The following PSMB8 variants were observed in gnomAD, a reference collection of about 807,000 sequenced individuals.
The protein encoded by PSMB8 is proteasome 20S subunit beta 8.
A neutral mutation model predicts 32.3 loss-of-function variants in PSMB8; 20 were observed. The observed-to-expected ratio is 0.62, with a 90% CI of 0.44 to 0.90. PSMB8 has a LOEUF of 0.90. Ranked by LOEUF, PSMB8 falls within the 40% of genes least tolerant of loss-of-function variation. The probability of loss-of-function intolerance (pLI) is 0.00; values close to 1 mark genes in which losing one functional copy is unlikely to be tolerated. For synonymous variants in PSMB8, 131 were observed against 135.4 expected, an observed-to-expected ratio of 0.97 and a Z score of 0.23; for missense variants, 342 against 365.4, an observed-to-expected ratio of 0.94 and a Z score of 0.52.
intron 3 of PSMB8, 81 bp downstream of exon 3, chr6:32,842,591 G>A (rs1769983306): frequency 3.9e-6 from 5 of 1,268,676 alleles, no homozygotes; most frequent in Non-Finnish European, 4.6e-6. Flanking sequence ...GACCACATAG[G>A]ACAAGAGTAA....
intron 2 of PSMB8, 76 bp downstream of exon 2, chr6:32,842,866 T>G: frequency 3.7e-6 from 6 of 1,610,982 alleles, no homozygotes; most frequent in Non-Finnish European, 5.1e-6. Flanking sequence ...CACTTCCACT[T>G]TGTTGCAGAG....
rs141273371 is a variant in PSMB8 at position 32,841,611 on chromosome 6, G to A, written c.662C>T (p.Pro221Leu). 30 of 1,613,048 alleles carry A rather than the reference G, an allele frequency of 1.9e-5. No individual in the cohort carries two copies. In the African/African-American group the frequency reaches 3.6e-4, roughly 19 times the overall value. Residue 221 changes from proline (P) to leucine (L), a missense_variant, in exon 5 of 6, where the codon CCT (proline) becomes CTT (leucine). By Grantham distance (98) the Pro-to-Leu change is moderately conservative. Transcript: ENST00000374882. ...GCGGCCAAGGTCATAGGCCTCTTCA[G>A]GGCTAAGATTAGGCCGATAGCCACT... The part of the protein sequence containing the change: ...MDSGYRPNLS[P>L]EEAYDLGRRA...
chr6:32,841,477 C>T (rs112560284), intron 5 of PSMB8, 54 bp downstream of exon 5: 3 of 1,567,348 alleles, frequency 1.9e-6, no homozygotes, highest in East Asian at 2.2e-5. Flanking sequence ...AATCACCCCC[C>T]CCACCACCCG....
In PSMB8 at chr6:32,844,047, C is replaced by G; in HGVS notation, c.-51G>C. ...CCGCTCTCGGAGGAGGAAGTGAAAG[C>G]GAAAGCCACAGATCGAAGGGGAGGG... is the stretch of plus-strand genomic sequence containing the variant. On this transcript the variant is annotated 5_prime_UTR_variant, in exon 1 of 6. Coordinates refer to ENST00000374882, the MANE Select transcript of PSMB8 (RefSeq NM_148919.4). 5 of 1,599,646 alleles carry G rather than the reference C, an allele frequency of 3.1e-6. No individual in the cohort carries two copies. Among genetic ancestry groups the G allele is most frequent in the Non-Finnish European group, 4.3e-6 (5 of 1,171,894 alleles).
rs1769900420 is a variant in PSMB8 at position 32,841,529 on chromosome 6, A to G, written c.742+2T>C. The G allele has an allele frequency of 1.2e-6, 2 of 1,611,534 alleles. No individual in the cohort carries two copies. The highest frequency in any genetic ancestry group is 2.7e-5 in the African/African-American group (2 of 74,872). ...ATGGTGGTGGGAGCATTGGTCTCTTACTATTGACAACGCCTCCAGAATAGC... is the reference window on the plus strand; with the variant it reads ...ATGGTGGTGGGAGCATTGGTCTCTTGCTATTGACAACGCCTCCAGAATAGC... On this transcript the variant is annotated splice_donor_variant, in intron 5 of 5. Coordinates refer to ENST00000374882, the MANE Select transcript of PSMB8 (RefSeq NM_148919.4). LOFTEE classifies it high-confidence loss of function.
rs1769902497 is a variant in PSMB8 at position 32,841,544 on chromosome 6, T to C, written c.729A>G (p.Gly243=). The part of the protein sequence containing the change: ...AYATHRDSYS[G]GVVNMYHMKE... Reference sequence around the variant, plus strand: ...TTGGTCTCTTACTATTGACAACGCCTCCAGAATAGCTGTCTCTGTGAGTGG... The same window carrying C: ...TTGGTCTCTTACTATTGACAACGCCCCCAGAATAGCTGTCTCTGTGAGTGG... Residue 243 remains glycine (G), a synonymous_variant, in exon 5 of 6, where the codon GGA becomes GGG. Coordinates refer to ENST00000374882, the MANE Select transcript of PSMB8 (RefSeq NM_148919.4). The C allele has an allele frequency of 6.2e-7, 1 of 1,612,254 alleles. No homozygotes were observed.
At chr6:32,842,539 C>T in intron 3 of PSMB8, 133 bp downstream of exon 3, 1 of 958,162 alleles carries the variant, frequency 1.0e-6, no homozygotes, top group Non-Finnish European at 1.6e-6. Context: ...GGTCTTATCA[C>T]CAAAAAGCTG....
intron 3 of PSMB8, 105 bp from the exon 4 acceptor site, chr6:32,842,368 A>G (rs1224207556): frequency 7.0e-7 from 1 of 1,431,458 alleles, no homozygotes; most frequent in African/African-American, 1.4e-5. Flanking sequence ...ATTATTTTGT[A>G]GGATCTAAAG....
rs749987221 is a variant in PSMB8, at chr6:32,843,078, G to C, written c.159C>G (p.Phe53Leu). 6.2e-7 allele frequency: 1 copy of C among 1,613,092 alleles called. No individual in the cohort carries two copies. Among genetic ancestry groups the C allele is most frequent in the South Asian group, 1.1e-5 (1 of 91,090 alleles). Residue 53 changes from phenylalanine to leucine, a missense_variant, in exon 2 of 6, where the codon TTC becomes TTG. Physicochemically the swap from Phe to Leu is conservative, Grantham distance 22 (BLOSUM62 0). Transcript: ENST00000374882. ...ALPRGMQPTE[F>L]FQSLGGDGER... The stretch of plus-strand genomic sequence containing the variant: ...CTCCGTCCCCACCCAGGGACTGGAA[G>C]AATTCTGTGGGCTGATAAGAGAAAA...
rs147774597 is a variant in PSMB8, at chr6:32,842,605, G to A, written c.407+67C>T. 151 of 1,325,342 alleles carry A rather than the reference G, an allele frequency of 1.1e-4. 1 individual carries two copies. The East Asian group carries it at 3.4e-3, about 30-fold the overall frequency. The allele number at this position is 1,325,342 out of a possible 1,614,324, so 82.1% of individuals were successfully genotyped here. ...GGACCACATAGGACAAGAGTAAGGA[G>A]CAATGATCTGAGAGATCCAGGGATT... On this transcript the variant is annotated intron_variant, in intron 3 of 5. Transcript: ENST00000374882.
chr6:32,844,115 G>T, upstream of PSMB8: 1 of 1,516,074 alleles, frequency 6.6e-7, no homozygotes, highest in Non-Finnish European at 8.9e-7. Flanking sequence ...TCCGAGAAAA[G>T]GACAGTTAGT....
upstream of PSMB8, chr6:32,844,515 G>C (rs570148598): frequency 2.5e-5 from 36 of 1,431,216 alleles, 1 homozygote; most frequent in Admixed American, 2.2e-4. Flanking sequence ...TGTAGGGGAA[G>C]GCGGCGCCAG....
At chr6:32,841,121 A>T (rs1769875567) in intron 5 of PSMB8, 74 bp from the exon 6 acceptor site, 1 of 1,273,066 alleles carries the variant, frequency 7.9e-7, no homozygotes. Context: ...GTTATGTTGA[A>T]GGCAGCAACA....
chr6:32,843,711 G>T, intron 1 of PSMB8, 139 bp downstream of exon 1: 1 of 1,021,266 alleles, frequency 9.8e-7, no homozygotes, highest in Non-Finnish European at 1.5e-6. Flanking sequence ...CTCTTCTTTG[G>T]GTCTGGCGCT....
chr6:32,843,231 C>A, intron 1 of PSMB8, 142 bp from the exon 2 acceptor site: 1 of 969,152 alleles, frequency 1.0e-6, no homozygotes, highest in Non-Finnish European at 1.6e-6. Flanking sequence ...AATAACCAAT[C>A]TCTAGAAGGA....
intron 5 of PSMB8, 147 bp downstream of exon 5, chr6:32,841,384 C>T: frequency 1.2e-6 from 1 of 820,324 alleles, no homozygotes; most frequent in African/African-American, 1.7e-5. Flanking sequence ...ACTACAGGCA[C>T]CCGTCACCAC....
chr6:32,842,333 T>C (rs1365678457), intron 3 of PSMB8, 70 bp from the exon 4 acceptor site: 2 of 1,559,676 alleles, frequency 1.3e-6, no homozygotes, highest in South Asian at 1.1e-5. Flanking sequence ...CAGGAAATGA[T>C]TAAAGAGATA....
rs1299304557 is a variant in PSMB8, at chr6:32,842,273, G to A, written c.408-10C>T. The A allele has an allele frequency of 6.2e-7, 1 of 1,613,090 alleles. No homozygotes were observed. On this transcript the variant is annotated splice_polypyrimidine_tract_variant and intron_variant, in intron 3 of 5. Coordinates refer to ENST00000374882, the MANE Select transcript of PSMB8 (RefSeq NM_148919.4). ...TCGCAGATAGTACAGCCTGGGTGAGGACAAGGTGGAGTGAGGAAAGAGAGG... is the reference window on the plus strand; with the variant it reads ...TCGCAGATAGTACAGCCTGGGTGAGAACAAGGTGGAGTGAGGAAAGAGAGG...
chr6:32,842,828 A>T (rs767446926), intron 2 of PSMB8, 45 bp from the exon 3 acceptor site: 9 of 1,607,306 alleles, frequency 5.6e-6, no homozygotes, highest in African/African-American at 5.3e-5. Flanking sequence ...GACCCCATAG[A>T]TCCCCCAGTG....
Sources: allele counts gnomAD v4.1 joint callset, GRCh38; gene constraint gnomAD v4.1.1; transcripts MANE v1.5; gene names NCBI Gene and HGNC (gene_info 2026-07-23, HGNC 2026-07-21).